ADAM7: variants seen among roughly 807,000 people sequenced by gnomAD.
ADAM7 encodes the protein disintegrin and metalloproteinase domain-containing protein 7.
ADAM7 carries 97 observed loss-of-function variants against 102.9 expected under a neutral mutation model. The ratio of observed to expected loss-of-function variants is 0.94; its 90% CI spans 0.80 to 1.12. ADAM7 has a LOEUF of 1.12. Among genes scored for constraint, ADAM7 ranks in the 50% most tolerant of loss-of-function variants. ADAM7 has a pLI of 0.00. For synonymous variants in ADAM7, 334 were observed against 304.4 expected, an observed-to-expected ratio of 1.10 and a Z score of -1.01; for missense variants, 991 against 908.7, an observed-to-expected ratio of 1.09 and a Z score of -1.16.
At chr8:24,445,157 C>T (rs909008961) in intron 2 of ADAM7, among the ~76,000 whole-genome samples, 1 of 152,074 alleles carries the variant, frequency 6.6e-6, no homozygotes, top group Admixed American at 6.6e-5. Context: ...CCCATACATG[C>T]ATGTACACAT....
chr8:24,461,150 G>A (rs1351748084), intron 3 of ADAM7, among the ~76,000 whole-genome samples: 1 of 151,868 alleles, frequency 6.6e-6, no homozygotes, highest in Non-Finnish European at 1.5e-5. Context: ...CCGCCACCAC[G>A]CCCAGCTAAT....
intron 16 of ADAM7, among the ~76,000 whole-genome samples, chr8:24,493,446 T>C (rs1820439702): frequency 6.6e-6 from 1 of 151,790 alleles, no homozygotes; most frequent in South Asian, 2.1e-4. Flanking sequence ...TTGTTACAGA[T>C]GTGCTTAATT....
chr8:24,442,416 C>T, intron 1 of ADAM7, 57 bp from the exon 2 acceptor site: 1 of 1,184,818 alleles, frequency 8.4e-7, no homozygotes, highest in Non-Finnish European at 1.3e-6. Context: ...TGTTTTTCAG[C>T]CGCTGTAGAC....
At chr8:24,491,466 A>G (rs181553113) in intron 13 of ADAM7, among the ~76,000 whole-genome samples, 75 of 152,328 alleles carry the variant, frequency 4.9e-4, no homozygotes, top group African/African-American at 1.7e-3. Context: ...AGTTCCCTCT[A>G]GCAGTGAAAG....
intron 19 of ADAM7, 107 bp from the exon 20 acceptor site, chr8:24,501,370 T>C (rs1027432582): frequency 3.9e-6 from 3 of 762,262 alleles, no homozygotes; most frequent in Admixed American, 5.9e-5. Flanking sequence ...TGTAATGAAA[T>C]GGAAATTTTT....
At chr8:24,470,146 A>G (rs1819557546) in intron 7 of ADAM7, among the ~76,000 whole-genome samples, 1 of 152,172 alleles carries the variant, frequency 6.6e-6, no homozygotes, top group African/African-American at 2.4e-5. Flanking sequence ...AGAAAGAGGC[A>G]GATTGACTAT....
intron 5 of ADAM7, 80 bp from the exon 6 acceptor site, chr8:24,466,719 T>A: frequency 7.3e-7 from 1 of 1,364,968 alleles, no homozygotes; most frequent in South Asian, 1.4e-5. Flanking sequence ...TGGTTTCTCT[T>A]TCTTGAAAAG....
chr8:24,491,697 C>A (rs1458338464), intron 13 of ADAM7, among the ~76,000 whole-genome samples: 1 of 152,160 alleles, frequency 6.6e-6, no homozygotes, highest in Non-Finnish European at 1.5e-5. Context: ...TAATACCAAA[C>A]TTCAAAAACA....
intron 3 of ADAM7, among the ~76,000 whole-genome samples, chr8:24,449,840 A>G (rs893836536): frequency 2.6e-5 from 4 of 152,346 alleles, no homozygotes; most frequent in African/African-American, 7.2e-5. Context: ...GGTGTAAAGA[A>G]GAGATCCAGT....
chr8:24,457,646 A>G (rs1167446592), intron 3 of ADAM7, among the ~76,000 whole-genome samples: 1 of 152,142 alleles, frequency 6.6e-6, no homozygotes, highest in Non-Finnish European at 1.5e-5. Flanking sequence ...ATTCATTTCT[A>G]AAAATTGTGT....
At chr8:24,449,264 C>A (rs1421025729) in intron 3 of ADAM7, among the ~76,000 whole-genome samples, 8 of 152,164 alleles carry the variant, frequency 5.3e-5, no homozygotes, top group Admixed American at 5.2e-4. Context: ...TTTACAGTCC[C>A]ACCAACAATG....
rs1820560103 is a variant in ADAM7 at position 24,496,544 on chromosome 8, T to C, written c.1843-2692T>C. The stretch of plus-strand genomic sequence containing the variant: ...AGCAGCCAGAAGGGAGGCTATATCC[T>C]GCAAAACCACAGAGGCAGAGCTGCT... On this transcript the variant is annotated intron_variant, in intron 16 of 21. Coordinates refer to ENST00000175238, the MANE Select transcript of ADAM7 (RefSeq NM_003817.4). Among the ~76,000 whole-genome samples the C allele has an allele frequency of 2.6e-5, 4 of 152,294 alleles. No homozygotes were observed. In the South Asian group the frequency reaches 8.3e-4, roughly 32 times the overall value.
At chr8:24,451,905 G>T (rs1428276135) in intron 3 of ADAM7, among the ~76,000 whole-genome samples, 1 of 150,680 alleles carries the variant, frequency 6.6e-6, no homozygotes, top group Admixed American at 6.6e-5. Context: ...ATTTCATTAT[G>T]TACCCAGTAG....
chr8:24,483,188 C>A (rs766104767), intron 9 of ADAM7, among the ~76,000 whole-genome samples: 7 of 152,060 alleles, frequency 4.6e-5, no homozygotes, highest in Non-Finnish European at 1.5e-5. Context: ...AAAAGGGGAC[C>A]ATTTTTATCA....
chr8:24,465,724 T>C lies in ADAM7; in HGVS notation c.338T>C (p.Ile113Thr), dbSNP rs762838914. 32 of 1,609,536 alleles carry C rather than the reference T, an allele frequency of 2.0e-5. No individual in the cohort carries two copies. The highest frequency in any genetic ancestry group is 1.7e-4 in the Middle Eastern group (1 of 6,058). The change falls in exon 5 of 22, where the codon ATA becomes ACA. Residue 113 changes from isoleucine (I) to threonine (T), a missense_variant. Physicochemically the swap from Ile to Thr is moderately conservative, Grantham distance 89. Coordinates refer to ENST00000175238, the MANE Select transcript of ADAM7 (RefSeq NM_003817.4). Reference protein sequence around the residue: ...IMDHCFYQGSIVHEYDSAASI... With the variant: ...IMDHCFYQGSTVHEYDSAASI... ...GATCATTGTTTTTACCAAGGATCCA[T>C]AGTACACGAATATGATTCAGCTGCC...
rs1818409043 is a variant in ADAM7 at position 24,442,503 on chromosome 8, A to G, written c.83A>G (p.Gln28Arg). 1 of 1,614,136 alleles carries G rather than the reference A, an allele frequency of 6.2e-7. No homozygotes were observed. Among genetic ancestry groups the G allele is most frequent in the Non-Finnish European group, 8.5e-7 (1 of 1,179,992 alleles). Residue 28 changes from glutamine to arginine, a missense_variant, in exon 2 of 22, where the codon CAA (glutamine) becomes CGA (arginine). By Grantham distance (43) the Gln-to-Arg change is conservative (BLOSUM62 1). Transcript: ENST00000175238. ...TTCATCCTTGGAGTAGAGGGTCAAC[A>G]ACTGGTTCGTCCTAAAAAGCTTCCT... ...EKFILGVEGQ[Q>R]LVRPKKLPLI... is the part of the protein sequence containing the mutation.
At chr8:24,454,904 T>C (rs1656197567) in intron 3 of ADAM7, among the ~76,000 whole-genome samples, 1 of 152,304 alleles carries the variant, frequency 6.6e-6, no homozygotes, top group East Asian at 1.9e-4. Flanking sequence ...TAAATCAGAT[T>C]GTACATTCAT....
intron 7 of ADAM7, among the ~76,000 whole-genome samples, chr8:24,471,690 C>A (rs995276493): frequency 6.6e-6 from 1 of 151,976 alleles, no homozygotes; most frequent in African/African-American, 2.4e-5. Flanking sequence ...AAGAAGAAAT[C>A]ACCTAAGAAT....
chr8:24,466,395 C>A (rs1212615833), intron 5 of ADAM7, among the ~76,000 whole-genome samples: 2 of 152,068 alleles, frequency 1.3e-5, no homozygotes, highest in Non-Finnish European at 2.9e-5. Context: ...AATGAGAACC[C>A]CTTTAATGAC....
Sources: gnomAD v4.1 joint callset for allele counts (sites outside exome capture counted in the v4.1 genomes callset) on GRCh38, gnomAD v4.1.1 for gene constraint, MANE v1.5 for transcripts, NCBI Gene and HGNC (gene_info 2026-07-23, HGNC 2026-07-21) for gene names.